Variants in ALK observed in about 807,000 individuals in gnomAD.
ALK encodes the protein ALK receptor tyrosine kinase.
Under a neutral mutation model 163.1 loss-of-function variants are expected in ALK, and 74 were observed. The observed-to-expected ratio is 0.45, with a 90% CI of 0.38 to 0.55. The LOEUF is 0.55. Ranked by LOEUF, ALK falls within the 20% of genes least tolerant of loss-of-function variation. The pLI is 0.00. For missense variants in ALK, 2,063 were observed against 2,105.3 expected, an observed-to-expected ratio of 0.98 and a Z score of 0.39; for synonymous variants, 960 against 843.2, an observed-to-expected ratio of 1.14 and a Z score of -2.40.
intron 3 of ALK, among the ~76,000 whole-genome samples, chr2:29,614,759 G>T (rs976747919): frequency 2.6e-5 from 4 of 152,122 alleles, no homozygotes; most frequent in Non-Finnish European, 5.9e-5. Context: ...TGTTGGGTCA[G>T]TTTGGCCAGA....
At chr2:29,529,153 G>A (rs955707587) in intron 4 of ALK, among the ~76,000 whole-genome samples, 10 of 152,196 alleles carry the variant, frequency 6.6e-5, no homozygotes, top group South Asian at 6.2e-4. Context: ...CACGACAGCC[G>A]GCACCACCTG....
At chr2:29,297,435 A>G (rs971234244) in intron 8 of ALK, among the ~76,000 whole-genome samples, 2 of 152,164 alleles carry the variant, frequency 1.3e-5, no homozygotes, top group African/African-American at 4.8e-5. Flanking sequence ...TGTGGCCCCA[A>G]TTTACTTTGT....
At chr2:29,464,522 T>C (rs1352020383) in intron 4 of ALK, among the ~76,000 whole-genome samples, 3 of 152,230 alleles carry the variant, frequency 2.0e-5, no homozygotes, top group African/African-American at 7.2e-5. Flanking sequence ...TGTGCCTTCA[T>C]GTAAAGGAGA....
At chr2:29,636,939 C>A (rs4666262) in intron 3 of ALK, among the ~76,000 whole-genome samples, 92,614 of 151,960 alleles carry the variant, frequency 0.61, 29,534 homozygotes, top group East Asian at 0.73. Flanking sequence ...ATGACAACAC[C>A]AAATACTGAT....
chr2:29,207,396 G>T, intron 25 of ALK, 124 bp from the exon 26 acceptor site: 1 of 768,082 alleles, frequency 1.3e-6, no homozygotes, highest in East Asian at 2.6e-5. Context: ...AATTAACCAT[G>T]AGTCCTTGGC....
chr2:29,831,204 G>GGAAGGGGAAGA lies in ALK; in HGVS notation c.667+88788_667+88789insTCTTCCCCTTC, dbSNP rs1558508916. On this transcript the variant is annotated intron_variant, in intron 1 of 28. Coordinates refer to ENST00000389048, the MANE Select transcript of ALK (RefSeq NM_004304.5). ...GGGGAAGGGGAAGGGGAAGGGGAAGGGGAAGAGGAAGAGGAAGAGGAAGAA... is the reference window on the plus strand; with the variant it reads ...GGGGAAGGGGAAGGGGAAGGGGAAGGGAAGGGGAAGAGGAAGAGGAAGAGGAAGAGGAAGAA... Among the ~76,000 whole-genome samples, 2 of 51,208 alleles carry GGAAGGGGAAGA rather than the reference G, an allele frequency of 3.9e-5. 1 individual carries two copies. Among genetic ancestry groups the GGAAGGGGAAGA allele is most frequent in the Non-Finnish European group, 6.9e-5 (2 of 28,900 alleles). The allele number at this position is 51,208 out of a possible 152,430, so 33.6% of individuals were successfully genotyped here.
intron 8 of ALK, among the ~76,000 whole-genome samples, chr2:29,316,826 GGT>G (rs1021491553): frequency 6.6e-6 from 1 of 152,074 alleles, no homozygotes; most frequent in African/African-American, 2.4e-5. Flanking sequence ...GATTTAAGGT[GGT>G]TCACAGAGAT....
At chr2:29,399,278 A>G (rs1305213637) in intron 4 of ALK, among the ~76,000 whole-genome samples, 4 of 152,334 alleles carry the variant, frequency 2.6e-5, no homozygotes, top group African/African-American at 9.6e-5. Context: ...GGTAAATAAC[A>G]GAGATGAGGT....
intron 3 of ALK, among the ~76,000 whole-genome samples, chr2:29,612,248 T>C (rs981549376): frequency 1.3e-5 from 2 of 152,168 alleles, no homozygotes; most frequent in Admixed American, 6.5e-5. Flanking sequence ...ATTTTGAAAA[T>C]GAAAAAGTTT....
intron 8 of ALK, among the ~76,000 whole-genome samples, chr2:29,303,132 A>G (rs1666416177): frequency 6.6e-6 from 1 of 152,218 alleles, no homozygotes; most frequent in South Asian, 2.1e-4. Context: ...AGAAGGGATT[A>G]ATATCCAGAA....
intron 3 of ALK, among the ~76,000 whole-genome samples, chr2:29,660,670 G>T (rs959566739): frequency 9.6e-6 from 1 of 104,230 alleles, no homozygotes; most frequent in Non-Finnish European, 2.4e-5. Flanking sequence ...GGCCCAGGGA[G>T]AGGGGAGAAA....
chr2:29,597,922 C>T (rs1243419219), intron 3 of ALK, among the ~76,000 whole-genome samples: 1 of 152,204 alleles, frequency 6.6e-6, no homozygotes, highest in East Asian at 1.9e-4. Flanking sequence ...GTGTGGGCCA[C>T]TGCCAGCATC....
At chr2:29,626,589 C>T (rs1203214205) in intron 3 of ALK, among the ~76,000 whole-genome samples, 7 of 152,136 alleles carry the variant, frequency 4.6e-5, no homozygotes, top group Admixed American at 4.6e-4. Context: ...CTAAAACAGT[C>T]TCCATGATGG....
chr2:29,919,732 GAGA>G (rs1322645592), intron 1 of ALK, among the ~76,000 whole-genome samples: 1 of 152,150 alleles, frequency 6.6e-6, no homozygotes, highest in Non-Finnish European at 1.5e-5. Flanking sequence ...TATAAGTCCA[GAGA>G]AGAAGGCGCT....
intron 11 of ALK, among the ~76,000 whole-genome samples, chr2:29,256,608 TG>T (rs1664954451): frequency 6.7e-6 from 1 of 150,342 alleles, no homozygotes; most frequent in African/African-American, 2.5e-5. Flanking sequence ...CACTTTTGAG[TG>T]TTTTTTTTTT....
chr2:29,716,042 C>A (rs369136382), intron 2 of ALK, among the ~76,000 whole-genome samples: 36 of 152,226 alleles, frequency 2.4e-4, no homozygotes, highest in African/African-American at 7.9e-4. Context: ...AGATGAGAGA[C>A]AGCAGGCTTT....
chr2:29,362,418 G>A (rs1389399795), intron 5 of ALK, among the ~76,000 whole-genome samples: 1 of 152,224 alleles, frequency 6.6e-6, no homozygotes, highest in African/African-American at 2.4e-5. Flanking sequence ...GGAGCTGACA[G>A]TATATTAGAA....
At chr2:29,346,372 C>A (rs773057220) in intron 5 of ALK, among the ~76,000 whole-genome samples, 1 of 152,194 alleles carries the variant, frequency 6.6e-6, no homozygotes, top group East Asian at 1.9e-4. Flanking sequence ...CATTCACACC[C>A]CTGACCCACT....
At chr2:29,318,448 C>T (rs1666900419) in intron 7 of ALK, 44 bp from the exon 8 acceptor site, 2 of 1,401,800 alleles carry the variant, frequency 1.4e-6, no homozygotes, top group Non-Finnish European at 2.0e-6. Flanking sequence ...TTATCAGGAA[C>T]TGGGGGACCA....
Sources: gnomAD v4.1 joint callset for allele counts (sites outside exome capture counted in the v4.1 genomes callset) on GRCh38, gnomAD v4.1.1 for gene constraint, MANE v1.5 for transcripts, NCBI Gene and HGNC (gene_info 2026-07-23, HGNC 2026-07-21) for gene names.